Variants in PPP1R7 observed in about 807,000 individuals in gnomAD.
PPP1R7 encodes protein phosphatase 1 regulatory subunit 22.
In PPP1R7, 18 loss-of-function variants were observed where a neutral mutation model predicts 45.2. The ratio of observed to expected loss-of-function variants is 0.40; its 90% CI spans 0.28 to 0.59. PPP1R7 has a LOEUF of 0.59. Among genes scored for constraint, PPP1R7 ranks in the 20% least tolerant of loss-of-function variants. The pLI is 0.46. For missense variants in PPP1R7, 314 were observed against 455.8 expected (o/e 0.69, Z 2.83); for synonymous variants, 181 against 183.4 (o/e 0.99, Z 0.11).
intron 9 of PPP1R7, among the ~76,000 whole-genome samples, chr2:241,172,466 G>A (rs2067832576): frequency 6.6e-6 from 1 of 152,076 alleles, no homozygotes; most frequent in African/African-American, 2.4e-5. Context: ...CCAACGTGGT[G>A]AAACCCTGTC....
At chr2:241,166,272 C>A in intron 7 of PPP1R7, 65 bp from the exon 8 acceptor site, 1 of 1,360,550 alleles carries the variant, frequency 7.3e-7, no homozygotes, top group Non-Finnish European at 1.0e-6. Flanking sequence ...ACCTCGTTTC[C>A]TAAAAACCGT....
intron 1 of PPP1R7, 138 bp downstream of exon 1, chr2:241,150,685 G>A (rs943765979): frequency 4.7e-6 from 6 of 1,270,576 alleles, no homozygotes; most frequent in Non-Finnish European, 6.1e-6. Flanking sequence ...GCTGACAGCC[G>A]GACCCGGGGG....
upstream of PPP1R7, chr2:241,149,614 C>A (rs36123792): frequency 8.6e-3 from 13,179 of 1,528,606 alleles, 393 homozygotes; most frequent in East Asian, 0.095. Context: ...GCACCAAACA[C>A]CCCTACGGCG....
intron 9 of PPP1R7, among the ~76,000 whole-genome samples, chr2:241,175,073 CT>C (rs1035769011): frequency 6.6e-6 from 1 of 152,168 alleles, no homozygotes; most frequent in African/African-American, 2.4e-5. Flanking sequence ...ATTTATCTTA[CT>C]TTTGTGTCTG....
intron 5 of PPP1R7, 50 bp downstream of exon 5, chr2:241,159,393 TG>T (rs1421676305): frequency 4.4e-6 from 7 of 1,600,078 alleles, no homozygotes; most frequent in East Asian, 2.3e-5. Flanking sequence ...GGCCACTGGG[TG>T]GGGGGTGTCC....
rs2067300242 is a variant in PPP1R7, at chr2:241,151,423, G to A, written c.52+876G>A. On this transcript the variant is annotated intron_variant, in intron 1 of 9. Transcript: ENST00000234038. ...AGGAAGGCCTGACATGTTAGGGAGT[G>A]GTGACAGCTGCAGAAGCAGGGCGAG... is the stretch of plus-strand genomic sequence containing the variant. 3.6e-5 allele frequency: 17 copies of A among 470,652 alleles called. No homozygotes were observed. The Admixed American group carries it at 4.0e-4, about 11-fold the overall frequency. 29.2% of individuals were successfully genotyped at this position (470,652 alleles called of 1,614,324 possible).
chr2:241,171,560 A>G (rs1198317868), intron 9 of PPP1R7, among the ~76,000 whole-genome samples: 2 of 152,214 alleles, frequency 1.3e-5, no homozygotes, highest in Non-Finnish European at 2.9e-5. Flanking sequence ...CAGTCTTAAC[A>G]AGTTTCTGAT....
At chr2:241,169,661 G>A (rs1217325198) in intron 8 of PPP1R7, 120 bp from the exon 9 acceptor site, 1 of 766,588 alleles carries the variant, frequency 1.3e-6, no homozygotes, top group African/African-American at 1.7e-5. Flanking sequence ...CTTACCCTGT[G>A]AGGGCAGAGA....
chr2:241,159,463 G>A lies in PPP1R7; in HGVS notation c.434+120G>A, dbSNP rs1217864212. 2.7e-5 allele frequency: 36 copies of A among 1,312,708 alleles called. No homozygotes were observed. The Admixed American group carries it at 7.3e-4, about 27-fold the overall frequency. 81.3% of individuals were successfully genotyped at this position (1,312,708 alleles called of 1,614,324 possible). ...CCCTTGAGAGGCTGCCTCTGCCACA[G>A]GGTCCTGCCCTGCATCTGAATCCCA... On this transcript the variant is annotated intron_variant, in intron 5 of 9. Transcript: ENST00000234038.
chr2:241,160,902 G>A (rs1575389945), intron 6 of PPP1R7, among the ~76,000 whole-genome samples: 1 of 151,512 alleles, frequency 6.6e-6, no homozygotes, highest in East Asian at 2.0e-4. Flanking sequence ...GTGAACTGAT[G>A]TACATACCGG....
intron 9 of PPP1R7, among the ~76,000 whole-genome samples, chr2:241,174,242 G>A (rs1434223528): frequency 6.6e-6 from 1 of 152,154 alleles, no homozygotes; most frequent in Non-Finnish European, 1.5e-5. Flanking sequence ...GTGTATTTAA[G>A]TTCTCTCCAC....
At chr2:241,157,657 G>A in intron 2 of PPP1R7, 150 bp from the exon 3 acceptor site, 1 of 679,716 alleles carries the variant, frequency 1.5e-6, no homozygotes, top group Non-Finnish European at 2.6e-6. Flanking sequence ...ACATTCTCCA[G>A]GTCCTCAGCA....
chr2:241,183,153 C>T lies in PPP1R7; in HGVS notation c.*330C>T, dbSNP rs1414109492. 4 of 400,604 alleles carry T rather than the reference C, an allele frequency of 1.0e-5. No homozygotes were observed. The highest frequency in any genetic ancestry group is 8.5e-5 in the South Asian group (4 of 46,828). The allele number at this position is 400,604 out of a possible 1,614,324, so 24.8% of individuals were successfully genotyped here. ...CAGTCCCTACCTGAGTCGTGTGAAACACAGGGCCTGAGAGTGCTTTACAGG... is the reference window on the plus strand; with the variant it reads ...CAGTCCCTACCTGAGTCGTGTGAAATACAGGGCCTGAGAGTGCTTTACAGG... On this transcript the variant is annotated 3_prime_UTR_variant, in exon 10 of 10. Coordinates refer to ENST00000234038, the MANE Select transcript of PPP1R7 (RefSeq NM_002712.3).
rs529930940 is a variant in PPP1R7, at chr2:241,183,206, G to A, written c.*383G>A. The A allele has an allele frequency of 1.6e-3, 617 of 378,550 alleles. 2 individuals carry two copies. The highest frequency in any genetic ancestry group is 4.2e-3 in the Admixed American group (113 of 26,840). 23.4% of individuals were successfully genotyped at this position (378,550 alleles called of 1,614,324 possible). ...TTCACGTGCTGTCCGAGTGGCATTC[G>A]GGGGCTGGCCTAGCTGGCCCTAGTC... is the stretch of plus-strand genomic sequence containing the variant. On this transcript the variant is annotated 3_prime_UTR_variant, in exon 10 of 10. Transcript: ENST00000234038.
At chr2:241,176,662 T>C (rs760169733) in intron 9 of PPP1R7, among the ~76,000 whole-genome samples, 1 of 152,160 alleles carries the variant, frequency 6.6e-6, no homozygotes, top group African/African-American at 2.4e-5. Flanking sequence ...GGTTTTGCCA[T>C]GTTGGCCAGG....
chr2:241,165,587 TTTTG>T (rs900792061), intron 7 of PPP1R7, among the ~76,000 whole-genome samples: 36 of 152,198 alleles, frequency 2.4e-4, no homozygotes, highest in South Asian at 1.0e-3. Flanking sequence ...CTAGCATGTT[TTTTG>T]TTTGTTTGTT....
intron 8 of PPP1R7, among the ~76,000 whole-genome samples, chr2:241,167,452 C>T (rs2067737803): frequency 6.6e-6 from 1 of 151,672 alleles, no homozygotes; most frequent in African/African-American, 2.4e-5. Context: ...AGTGGTAAGT[C>T]GAGACGTGCC....
intron 9 of PPP1R7, among the ~76,000 whole-genome samples, chr2:241,180,284 G>A (rs750670577): frequency 1.2e-4 from 18 of 150,650 alleles, no homozygotes; most frequent in African/African-American, 3.9e-4. Flanking sequence ...GGTAGAAGTG[G>A]TTAAGGCAGT....
In PPP1R7 at chr2:241,153,380, A is replaced by G. The variant is rs1489506498; in HGVS notation, c.53-96A>G. 2.6e-6 allele frequency: 4 copies of G among 1,509,502 alleles called. No individual in the cohort carries two copies. The African/African-American group carries it at 4.1e-5, about 16-fold the overall frequency. 93.5% of individuals were successfully genotyped at this position (1,509,502 alleles called of 1,614,324 possible). ...GAACTGGATTCAACAAACATGTTTA[A>G]ATGAAATCCTTTTGACTTACAACCG... is the stretch of plus-strand genomic sequence containing the variant. On this transcript the variant is annotated intron_variant, in intron 1 of 9. Coordinates refer to ENST00000234038, the MANE Select transcript of PPP1R7 (RefSeq NM_002712.3).
Sources: gnomAD v4.1 joint callset for allele counts (sites outside exome capture counted in the v4.1 genomes callset) on GRCh38, gnomAD v4.1.1 for gene constraint, MANE v1.5 for transcripts, NCBI Gene and HGNC (gene_info 2026-07-23, HGNC 2026-07-21) for gene names.